Variants in PDXK observed in about 807,000 individuals in gnomAD.
PDXK encodes the protein epididymis secretory sperm binding protein Li 1a.
PDXK carries 15 observed loss-of-function variants against 43.2 expected under a neutral mutation model. The ratio of observed to expected loss-of-function variants is 0.35; its 90% confidence interval spans 0.23 to 0.53. PDXK has a LOEUF of 0.53. PDXK is among the 20% of genes least tolerant of loss of function. The pLI, the probability that PDXK is intolerant of heterozygous loss-of-function variation, is 0.92. For synonymous variants in PDXK, 172 were observed against 165.4 expected (o/e 1.04, Z -0.31); for missense variants, 343 against 417.0 (o/e 0.82, Z 1.54).
intron 2 of PDXK, among the ~76,000 whole-genome samples, chr21:43,739,842 C>A (rs965226013): frequency 6.6e-6 from 1 of 151,772 alleles, no homozygotes; most frequent in Non-Finnish European, 1.5e-5. Context: ...TATCAAAATC[C>A]GAGGGCAGAA....
At chr21:43,747,949 T>A (rs898543397) in intron 5 of PDXK, among the ~76,000 whole-genome samples, 3 of 152,228 alleles carry the variant, frequency 2.0e-5, no homozygotes, top group African/African-American at 7.2e-5. Flanking sequence ...CCACCCATCC[T>A]TAGTGCCTCC....
chr21:43,719,776 C>G (rs981892648), intron 1 of PDXK: 1 of 985,462 alleles, frequency 1.0e-6, no homozygotes, highest in Non-Finnish European at 1.2e-6. Context: ...GGAGCAGTCA[C>G]GCGAGCCGGG....
intron 6 of PDXK, 87 bp downstream of exon 6, chr21:43,749,167 C>T (rs1429915959): frequency 4.1e-6 from 3 of 737,650 alleles, no homozygotes; most frequent in Non-Finnish European, 6.7e-6. Context: ...TGCAGTGGCA[C>T]GATCACAGCT....
chr21:43,748,971 C>A (rs765431970), intron 5 of PDXK, 24 bp from the exon 6 acceptor site: 1 of 1,475,770 alleles, frequency 6.8e-7, no homozygotes, highest in Non-Finnish European at 9.5e-7. Flanking sequence ...CTCAGCCTCT[C>A]CTCCTGTCTC....
intron 8 of PDXK, 62 bp downstream of exon 8, chr21:43,752,691 G>T: frequency 9.7e-7 from 1 of 1,028,972 alleles, no homozygotes; most frequent in East Asian, 2.4e-5. Flanking sequence ...GTGTTCTTTG[G>T]GGCTGCAAGA....
intron 6 of PDXK, 30 bp from the exon 7 acceptor site, chr21:43,750,470 C>G (rs768129104): frequency 3.1e-6 from 5 of 1,594,252 alleles, no homozygotes; most frequent in East Asian, 2.3e-5. Flanking sequence ...CTCACCTGTC[C>G]CCACCCGCCT....
intron 2 of PDXK, 57 bp from the exon 3 acceptor site, chr21:43,741,610 C>A: frequency 6.3e-7 from 1 of 1,592,538 alleles, no homozygotes; most frequent in Non-Finnish European, 8.6e-7. Context: ...CAAGGGAAGC[C>A]CACGGCCCCA....
intron 4 of PDXK, 77 bp from the exon 5 acceptor site, chr21:43,746,002 A>C: frequency 8.5e-7 from 1 of 1,178,336 alleles, no homozygotes. Context: ...GTCTTAAAAA[A>C]AGAAGAAAGA....
At chr21:43,725,220 G>A (rs1311830803) in intron 1 of PDXK, among the ~76,000 whole-genome samples, 14 of 151,952 alleles carry the variant, frequency 9.2e-5, no homozygotes, top group Non-Finnish European at 1.5e-5. Context: ...CTGCTTGGGA[G>A]GCTGAGGCAG....
At position 43,737,715 on chromosome 21, in the gene PDXK, AG is replaced by A; in HGVS notation, c.142+3594del. The A allele has an allele frequency of 1.0e-6, 1 of 983,736 alleles. No individual in the cohort carries two copies. Among genetic ancestry groups the A allele is most frequent in the Non-Finnish European group, 1.2e-6 (1 of 828,296 alleles). 60.9% of individuals were successfully genotyped at this position (983,736 alleles called of 1,614,324 possible). On this transcript the variant is annotated intron_variant, in intron 2 of 10. Transcript: ENST00000291565. The surrounding 1 kb of genome is among the most constrained non-coding windows in gnomAD (Gnocchi z 4.8). ...CACCAGCGAGGGGCCAGGCCGGGCC[AG>A]GAGCCTGCCGACGGACACCAGCGAG...
intron 2 of PDXK, among the ~76,000 whole-genome samples, chr21:43,739,974 G>A (rs1490478219): frequency 6.6e-6 from 1 of 151,830 alleles, no homozygotes; most frequent in Admixed American, 6.6e-5. Flanking sequence ...GCTGTGTGAG[G>A]CACTGACCTC....
rs146495320 is a variant in PDXK at position 43,734,738 on chromosome 21, C to T, written c.142+615C>T. Among the ~76,000 whole-genome samples the T allele has an allele frequency of 2.1e-3, 316 of 152,216 alleles. No individual in the cohort carries two copies. The highest frequency in any genetic ancestry group is 7.2e-3 in the African/African-American group (301 of 41,532). ...AGAAGCCCCTCACAGGCCATGCTTT[C>T]CATGCCCCCAGCCCCATGGCCTGGG... On this transcript the variant is annotated intron_variant, in intron 2 of 10. Transcript: ENST00000291565. The surrounding 1 kb of genome is among the most constrained non-coding windows in gnomAD (Gnocchi z 5.0).
intron 4 of PDXK, among the ~76,000 whole-genome samples, chr21:43,744,806 C>T (rs572510192): frequency 6.6e-6 from 1 of 152,326 alleles, no homozygotes; most frequent in East Asian, 1.9e-4. Context: ...AGCGGATGTG[C>T]GTATTCCCAC....
At chr21:43,745,889 T>G in intron 4 of PDXK, 190 bp from the exon 5 acceptor site, 1 of 614,552 alleles carries the variant, frequency 1.6e-6, no homozygotes, top group East Asian at 2.9e-5. Flanking sequence ...CTCAGCCACT[T>G]GGGAGGGTGA....
intron 2 of PDXK, among the ~76,000 whole-genome samples, chr21:43,739,119 A>C (rs2083451903): frequency 6.6e-6 from 1 of 151,914 alleles, no homozygotes; most frequent in Non-Finnish European, 1.5e-5. Flanking sequence ...TATTTTTAGT[A>C]GGGACGGGGT....
rs551950259 is a variant in PDXK, at chr21:43,719,141, C to T, written c.-154C>T. 128 of 320,238 alleles carry T rather than the reference C, an allele frequency of 4.0e-4. 1 individual carries two copies. In the East Asian group the frequency reaches 6.1e-3, roughly 15 times the overall value. The allele number at this position is 320,238 out of a possible 1,614,324, so 19.8% of individuals were successfully genotyped here. ...GCCGCCCGCTGAGGTCAGAAGGAGG[C>T]GTCTGCGCTGATCGGGTCCGCCGCG... On this transcript the variant is annotated 5_prime_UTR_variant, in exon 1 of 11. Transcript: ENST00000291565.
intron 1 of PDXK, among the ~76,000 whole-genome samples, chr21:43,731,418 G>GAGCGGGGTCCCTGAAGGTC (rs1329505932): frequency 1.3e-5 from 2 of 152,230 alleles, no homozygotes; most frequent in African/African-American, 4.8e-5. Flanking sequence ...GCCCGAGGGT[G>GAGCGGGGTCCCTGAAGGTC]AGCGGGGTCC....
At chr21:43,724,858 A>C (rs1053745771) in intron 1 of PDXK, among the ~76,000 whole-genome samples, 5 of 151,008 alleles carry the variant, frequency 3.3e-5, no homozygotes, top group African/African-American at 9.7e-5. Context: ...AAAAAAAGTA[A>C]AAAATAAACA....
At chr21:43,753,936 A>G (rs1460042756) in intron 9 of PDXK, among the ~76,000 whole-genome samples, 3 of 152,190 alleles carry the variant, frequency 2.0e-5, no homozygotes, top group Non-Finnish European at 4.4e-5. Context: ...GGACCTAGGG[A>G]TGATCAGAGT....
Sources: gnomAD v4.1 joint callset for allele counts (sites outside exome capture counted in the v4.1 genomes callset) on GRCh38, gnomAD v4.1.1 for gene constraint, Gnocchi (gnomAD v3.1) non-coding constraint, MANE v1.5 for transcripts, NCBI Gene and HGNC (gene_info 2026-07-23, HGNC 2026-07-21) for gene names.